Variants in FANCC observed in about 807,000 individuals in gnomAD.
FANCC encodes FA complementation group C.
Under a neutral mutation model 71.3 loss-of-function variants are expected in FANCC, and 55 were observed. That is an observed-to-expected ratio of 0.77 (90% CI 0.62 to 0.97). The LOEUF is 0.97. FANCC is among the 50% of genes least tolerant of loss of function. FANCC has a pLI of 0.00. For synonymous variants in FANCC, 275 were observed against 244.9 expected (o/e 1.12, Z -1.15); for missense variants, 678 against 670.9 (o/e 1.01, Z -0.12).
Position 95,101,657 on chromosome 9 carries a change from C to T in FANCC, c.*50G>A. 1.2e-6 allele frequency: 2 copies of T among 1,609,906 alleles called. No individual in the cohort carries two copies. Among genetic ancestry groups the T allele is most frequent in the Non-Finnish European group, 1.7e-6 (2 of 1,179,304 alleles). On this transcript the variant is annotated 3_prime_UTR_variant, in exon 15 of 15. Transcript: ENST00000289081. Reference sequence around the variant, plus strand: ...ACAGGTCATCACCTGTCCTGTGGCCCTGGCGAGCCTGATCCCTCACGCCGG... The same window carrying T: ...ACAGGTCATCACCTGTCCTGTGGCCTTGGCGAGCCTGATCCCTCACGCCGG...
intron 4 of FANCC, among the ~76,000 whole-genome samples, chr9:95,225,549 A>C (rs1336150447): frequency 6.6e-6 from 1 of 152,200 alleles, no homozygotes; most frequent in Admixed American, 6.5e-5. Context: ...TTAATGGAAA[A>C]GCCAACATGA....
intron 1 of FANCC, among the ~76,000 whole-genome samples, chr9:95,280,730 G>T (rs1457298319): frequency 1.3e-5 from 2 of 152,192 alleles, no homozygotes; most frequent in African/African-American, 4.8e-5. Flanking sequence ...TGATCCTAAA[G>T]AGAGGATTAT....
At chr9:95,193,109 G>C (rs1460904917) in intron 4 of FANCC, among the ~76,000 whole-genome samples, 2 of 152,182 alleles carry the variant, frequency 1.3e-5, no homozygotes, top group African/African-American at 2.4e-5. Context: ...GAAAAGGGAA[G>C]AGGCAACGAA....
rs185996262 is a variant in FANCC at position 95,123,320 on chromosome 9, T to A, written c.996+1766A>T. 4.7e-4 allele frequency: 140 copies of A among 298,790 alleles called. 2 individuals carry two copies. The highest frequency in any genetic ancestry group is 3.0e-3 in the African/African-American group (132 of 44,344). The allele number at this position is 298,790 out of a possible 1,614,324, so 18.5% of individuals were successfully genotyped here. ...GCCTGTCTCAAAAAATAAAATAAAATAAAAATATATTTATTGTTGCTTTAA... is the reference window on the plus strand; with the variant it reads ...GCCTGTCTCAAAAAATAAAATAAAAAAAAAATATATTTATTGTTGCTTTAA... On this transcript the variant is annotated intron_variant, in intron 10 of 14. Coordinates refer to ENST00000289081, the MANE Select transcript of FANCC (RefSeq NM_000136.3).
chr9:95,316,714 T>TGAGGC (rs2136451065), intron 1 of FANCC: 1 of 152,354 alleles, frequency 6.6e-6, no homozygotes, highest in East Asian at 1.9e-4. Context: ...TTTCCCATGT[T>TGAGGC]ATAAAACTCC....
At chr9:95,280,616 A>G (rs1419913697) in intron 1 of FANCC, among the ~76,000 whole-genome samples, 4 of 152,332 alleles carry the variant, frequency 2.6e-5, no homozygotes, top group Admixed American at 2.6e-4. Flanking sequence ...AGGAAGTTTC[A>G]AAGGAAATTC....
intron 1 of FANCC, among the ~76,000 whole-genome samples, chr9:95,256,633 T>C (rs1179185014): frequency 6.6e-6 from 1 of 152,162 alleles, no homozygotes; most frequent in Non-Finnish European, 1.5e-5. Context: ...CATCAACTAA[T>C]GGGCAAAATA....
At chr9:95,175,926 C>T (rs1408698795) in intron 4 of FANCC, among the ~76,000 whole-genome samples, 2 of 152,200 alleles carry the variant, frequency 1.3e-5, no homozygotes, top group East Asian at 3.8e-4. Flanking sequence ...GGCTCCAAGT[C>T]GGCAGCAGTC....
At chr9:95,170,976 C>T (rs1825640232) in intron 6 of FANCC, 103 bp downstream of exon 6, 1 of 844,514 alleles carries the variant, frequency 1.2e-6, no homozygotes, top group African/African-American at 1.7e-5. Flanking sequence ...AAAATACAAC[C>T]ATAACTGAAC....
chr9:95,150,103 GAAAT>G lies in FANCC; in HGVS notation c.522-20_522-17del. The G allele has an allele frequency of 1.9e-6, 3 of 1,613,734 alleles. No homozygotes were observed. Among genetic ancestry groups the G allele is most frequent in the Non-Finnish European group, 1.7e-6 (2 of 1,179,856 alleles). On this transcript the variant is annotated splice_polypyrimidine_tract_variant and intron_variant, in intron 6 of 14. Coordinates refer to ENST00000289081, the MANE Select transcript of FANCC (RefSeq NM_000136.3). ...GGGAGCCATTCTATGGAAGAAATAAGAAATAATCACTCAAATCTAAGAGCCATGC... is the reference window on the plus strand; with the variant it reads ...GGGAGCCATTCTATGGAAGAAATAAGAATCACTCAAATCTAAGAGCCATGC...
intron 1 of FANCC, among the ~76,000 whole-genome samples, chr9:95,276,353 A>T (rs1411659084): frequency 6.6e-6 from 1 of 152,206 alleles, no homozygotes; most frequent in African/African-American, 2.4e-5. Context: ...TCTTGCATTA[A>T]TTCAATGGGC....
At chr9:95,124,665 T>C (rs1309829332) in intron 10 of FANCC, among the ~76,000 whole-genome samples, 1 of 152,226 alleles carries the variant, frequency 6.6e-6, no homozygotes, top group Non-Finnish European at 1.5e-5. Context: ...TAATTAAGAA[T>C]GTCCAGGAGT....
At chr9:95,159,183 G>A (rs1441135285) in intron 6 of FANCC, among the ~76,000 whole-genome samples, 1 of 151,844 alleles carries the variant, frequency 6.6e-6, no homozygotes, top group Non-Finnish European at 1.5e-5. Flanking sequence ...CCCTCCCCTT[G>A]CCCCCCACTC....
At chr9:95,142,183 G>C (rs1036650607) in intron 7 of FANCC, among the ~76,000 whole-genome samples, 1 of 151,818 alleles carries the variant, frequency 6.6e-6, no homozygotes, top group African/African-American at 2.4e-5. Flanking sequence ...AGTAGAGATG[G>C]GATTTTACCA....
At chr9:95,227,109 G>A (rs569861450) in intron 4 of FANCC, among the ~76,000 whole-genome samples, 2 of 152,284 alleles carry the variant, frequency 1.3e-5, no homozygotes, top group South Asian at 2.1e-4. Context: ...CAAAGTCAGA[G>A]TTCCTGAGAG....
Position 95,249,117 on chromosome 9 carries a change from C to T in FANCC, c.165+10G>A, listed in dbSNP as rs767721720. The T allele has an allele frequency of 1.9e-6, 3 of 1,613,242 alleles. No individual in the cohort carries two copies. Among genetic ancestry groups the T allele is most frequent in the African/African-American group, 1.3e-5 (1 of 74,868 alleles). ...AGAAAATAATTTCATTATTCTGGTC[C>T]ACTACTTACCATCTCTTTCAAGGCT... On this transcript the variant is annotated intron_variant, in intron 2 of 14. Coordinates refer to ENST00000289081, the MANE Select transcript of FANCC (RefSeq NM_000136.3).
intron 1 of FANCC, among the ~76,000 whole-genome samples, chr9:95,281,986 AAG>A (rs1039795877): frequency 1.3e-5 from 2 of 151,952 alleles, no homozygotes; most frequent in African/African-American, 2.4e-5. Context: ...GGAAGAAAGA[AAG>A]AAAAAAAGAA....
At chr9:95,144,787 T>C (rs1486114786) in intron 7 of FANCC, among the ~76,000 whole-genome samples, 2 of 152,110 alleles carry the variant, frequency 1.3e-5, no homozygotes, top group African/African-American at 4.8e-5. Flanking sequence ...GTGTGATCAG[T>C]GGTGGGGCCG....
At chr9:95,106,185 A>G (rs1291477887) in intron 14 of FANCC, among the ~76,000 whole-genome samples, 3 of 151,984 alleles carry the variant, frequency 2.0e-5, no homozygotes, top group Non-Finnish European at 4.4e-5. Context: ...ATCTCGCTGC[A>G]CTTTGCCTTT....
Sources: allele counts gnomAD v4.1 joint callset (sites outside exome capture counted in the v4.1 genomes callset), GRCh38; gene constraint gnomAD v4.1.1; transcripts MANE v1.5; gene names NCBI Gene and HGNC (gene_info 2026-07-23, HGNC 2026-07-21).